PLA2G4A: variants seen among roughly 807,000 people sequenced by gnomAD.
PLA2G4A encodes cytosolic phospholipase A2.
In PLA2G4A, 40 loss-of-function variants were observed where a neutral mutation model predicts 81.9. That is an observed-to-expected ratio of 0.49 (90% CI 0.38 to 0.64). The LOEUF (loss-of-function observed/expected upper bound fraction) is 0.64. Among genes scored for constraint, PLA2G4A ranks in the 30% least tolerant of loss-of-function variants. The pLI, the probability that PLA2G4A is intolerant of heterozygous loss-of-function variation, is 0.00. For missense variants in PLA2G4A, 715 were observed against 905.1 expected (o/e 0.79, Z 2.69); for synonymous variants, 302 against 296.9 (o/e 1.02, Z -0.18).
chr1:186,886,623 G>C lies in PLA2G4A; in HGVS notation c.116-6388G>C, dbSNP rs1389603057. On this transcript the variant is annotated intron_variant, in intron 3 of 17. Coordinates refer to ENST00000367466, the MANE Select transcript of PLA2G4A (RefSeq NM_024420.3). ...CTCGTTTAGTCATTTCTACTTTGTTGATAATTGAAGCATAACATTTGAAGA... is the reference window on the plus strand; with the variant it reads ...CTCGTTTAGTCATTTCTACTTTGTTCATAATTGAAGCATAACATTTGAAGA... 2.0e-5 allele frequency among the ~76,000 whole-genome samples: 3 copies of C among 152,102 alleles called. No homozygotes were observed. In the East Asian group the frequency reaches 5.8e-4, roughly 29 times the overall value.
intron 14 of PLA2G4A, among the ~76,000 whole-genome samples, chr1:186,963,455 G>T (rs763822874): frequency 6.6e-6 from 1 of 152,148 alleles, no homozygotes; most frequent in Non-Finnish European, 1.5e-5. Flanking sequence ...ATTATTTAAA[G>T]AACTATTTCT....
intron 2 of PLA2G4A, among the ~76,000 whole-genome samples, chr1:186,869,144 T>C (rs928632385): frequency 9.9e-5 from 15 of 152,256 alleles, no homozygotes; most frequent in African/African-American, 3.6e-4. Flanking sequence ...TTCTTTCTTC[T>C]TTTTTAATAT....
At chr1:186,839,411 A>C (rs1374862739) in intron 1 of PLA2G4A, among the ~76,000 whole-genome samples, 1 of 152,154 alleles carries the variant, frequency 6.6e-6, no homozygotes, top group Admixed American at 6.5e-5. Flanking sequence ...GCTATGGTTT[A>C]GCTGCAGTTG....
At chr1:186,939,948 TAA>T (rs757565999) in intron 9 of PLA2G4A, 30 bp from the exon 10 acceptor site, 1 of 972,224 alleles carries the variant, frequency 1.0e-6, no homozygotes, top group Non-Finnish European at 1.7e-6. Flanking sequence ...TTTATAAATT[TAA>T]AGTCATCTTT....
At chr1:186,979,597 A>G in intron 17 of PLA2G4A, 125 bp downstream of exon 17, 1 of 684,640 alleles carries the variant, frequency 1.5e-6, no homozygotes, top group Non-Finnish European at 2.6e-6. Context: ...AAAATATGCC[A>G]CTTTACTTTT....
chr1:186,934,102 T>C (rs1655846257), intron 8 of PLA2G4A, among the ~76,000 whole-genome samples: 1 of 152,132 alleles, frequency 6.6e-6, no homozygotes, highest in African/African-American at 2.4e-5. Context: ...GGCATCTGCC[T>C]GTTTAATGAG....
At chr1:186,893,380 G>A (rs7542180) in intron 4 of PLA2G4A, among the ~76,000 whole-genome samples, 56,513 of 151,974 alleles carry the variant, frequency 0.37, 12,338 homozygotes, top group Non-Finnish European at 0.49. Context: ...TCCTCCCCAC[G>A]TGCTTTGGAG....
chr1:186,899,404 T>C (rs975762), intron 5 of PLA2G4A, among the ~76,000 whole-genome samples: 6 of 152,068 alleles, frequency 3.9e-5, no homozygotes, highest in African/African-American at 1.2e-4. Flanking sequence ...GACATCAATG[T>C]CTTAGGCATG....
chr1:186,968,074 A>G (rs1657196670), intron 15 of PLA2G4A, among the ~76,000 whole-genome samples: 1 of 152,104 alleles, frequency 6.6e-6, no homozygotes, highest in South Asian at 2.1e-4. Context: ...GGATGACTCT[A>G]AGATGATAGC....
At chr1:186,862,869 A>G (rs1204416512) in intron 2 of PLA2G4A, among the ~76,000 whole-genome samples, 1 of 152,232 alleles carries the variant, frequency 6.6e-6, no homozygotes, top group Non-Finnish European at 1.5e-5. Flanking sequence ...CAGTCCACTC[A>G]GTCACTGTTA....
chr1:186,844,893 A>T (rs1652117863), intron 1 of PLA2G4A, among the ~76,000 whole-genome samples: 1 of 152,306 alleles, frequency 6.6e-6, no homozygotes, highest in South Asian at 2.1e-4. Context: ...GGCCAGGTGC[A>T]GTGGCTCACA....
At chr1:186,850,637 C>G (rs1427403136) in intron 1 of PLA2G4A, among the ~76,000 whole-genome samples, 1 of 152,070 alleles carries the variant, frequency 6.6e-6, no homozygotes, top group Non-Finnish European at 1.5e-5. Flanking sequence ...ATTGAATGGC[C>G]ATAAGTCCCA....
chr1:186,885,244 A>G (rs1238527149), intron 3 of PLA2G4A, among the ~76,000 whole-genome samples: 2 of 152,180 alleles, frequency 1.3e-5, no homozygotes, highest in Non-Finnish European at 2.9e-5. Context: ...CCTGAAAAAC[A>G]GGACAAAGAT....
intron 15 of PLA2G4A, among the ~76,000 whole-genome samples, chr1:186,970,371 T>C (rs1657308974): frequency 6.6e-6 from 1 of 152,056 alleles, no homozygotes; most frequent in African/African-American, 2.4e-5. Context: ...CTTTTCTTTG[T>C]TGATTATTTC....
At chr1:186,978,719 A>C (rs566978129) in intron 16 of PLA2G4A, among the ~76,000 whole-genome samples, 44 of 152,314 alleles carry the variant, frequency 2.9e-4, no homozygotes, top group Admixed American at 2.4e-3. Flanking sequence ...ATAATGTTTT[A>C]GTTTGGGTTC....
intron 15 of PLA2G4A, among the ~76,000 whole-genome samples, chr1:186,969,796 TATTC>T (rs1657276387): frequency 6.6e-6 from 1 of 152,000 alleles, no homozygotes; most frequent in African/African-American, 2.4e-5. Flanking sequence ...ACATTTTCTT[TATTC>T]ATTCATTTGT....
intron 7 of PLA2G4A, among the ~76,000 whole-genome samples, chr1:186,931,222 A>G (rs530783620): frequency 2.6e-5 from 4 of 152,226 alleles, no homozygotes; most frequent in Admixed American, 6.5e-5. Flanking sequence ...ATACATCTAT[A>G]TAAAGATACA....
chr1:186,987,122 G>A (rs1657915441), intron 17 of PLA2G4A, among the ~76,000 whole-genome samples: 1 of 152,216 alleles, frequency 6.6e-6, no homozygotes, highest in Non-Finnish European at 1.5e-5. Context: ...TTGGGTGTCT[G>A]GGACATAAAG....
In PLA2G4A at chr1:186,933,008, A is replaced by G. The variant is rs185199468; in HGVS notation, c.695+109A>G. On this transcript the variant is annotated intron_variant, in intron 8 of 17. Transcript: ENST00000367466. The stretch of plus-strand genomic sequence containing the variant: ...TTTAGAAAATTGATCATTAATTTAA[A>G]TTACTGAAACTTTCCAGTTTGATGC... 1.1e-5 allele frequency: 9 copies of G among 839,058 alleles called. No individual in the cohort carries two copies. In the East Asian group the frequency reaches 2.1e-4, roughly 20 times the overall value. The allele number at this position is 839,058 out of a possible 1,614,324, so 52.0% of individuals were successfully genotyped here.
Sources: gnomAD v4.1 joint callset for allele counts (sites outside exome capture counted in the v4.1 genomes callset) on GRCh38, gnomAD v4.1.1 for gene constraint, MANE v1.5 for transcripts, NCBI Gene and HGNC (gene_info 2026-07-23, HGNC 2026-07-21) for gene names.